MARK2: variants seen among roughly 807,000 people sequenced by gnomAD.
MARK2 encodes microtubule affinity regulating kinase 2, also known as serine/threonine-protein kinase MARK2.
MARK2 carries 16 observed loss-of-function variants against 89.8 expected under a neutral mutation model. That is an observed-to-expected ratio of 0.18 (90% CI 0.12 to 0.27). The LOEUF is 0.27. Ranked by LOEUF, MARK2 falls within the 10% of genes least tolerant of loss-of-function variation. The pLI is 1.00. For synonymous variants in MARK2, 382 were observed against 399.5 expected, an observed-to-expected ratio of 0.96 and a Z score of 0.52; for missense variants, 621 against 1,049.9, an observed-to-expected ratio of 0.59 and a Z score of 5.65.
intron 1 of MARK2, among the ~76,000 whole-genome samples, chr11:63,844,700 A>C (rs1385536045): frequency 6.6e-6 from 1 of 152,184 alleles, no homozygotes; most frequent in Non-Finnish European, 1.5e-5. Context: ...GAAAAGATTG[A>C]GACTTTGCTT....
At chr11:63,886,858 T>A (rs1939429985) in intron 1 of MARK2, among the ~76,000 whole-genome samples, 1 of 152,274 alleles carries the variant, frequency 6.6e-6, no homozygotes, top group African/African-American at 2.4e-5. Context: ...ACAGTCCTTC[T>A]GTCACATTGC....
At chr11:63,866,193 A>T (rs1938119003) in intron 1 of MARK2, among the ~76,000 whole-genome samples, 1 of 152,082 alleles carries the variant, frequency 6.6e-6, no homozygotes, top group Admixed American at 6.6e-5. Flanking sequence ...CTCTACTAAA[A>T]ATACCAAAAT....
intron 1 of MARK2, among the ~76,000 whole-genome samples, chr11:63,840,486 C>T (rs1014856874): frequency 3.9e-5 from 6 of 152,214 alleles, no homozygotes; most frequent in Admixed American, 1.3e-4. Flanking sequence ...CAACCTGTTG[C>T]TCAGTCCTTT....
intron 1 of MARK2, among the ~76,000 whole-genome samples, chr11:63,892,437 C>T (rs1331564683): frequency 6.6e-6 from 1 of 152,150 alleles, no homozygotes; most frequent in African/African-American, 2.4e-5. Context: ...TCTAGGAATG[C>T]TGGACAGTTC....
At chr11:63,892,003 C>T (rs575371840) in intron 1 of MARK2, among the ~76,000 whole-genome samples, 42 of 152,336 alleles carry the variant, frequency 2.8e-4, no homozygotes, top group African/African-American at 9.9e-4. Context: ...TAAAAATCCA[C>T]TTGTCTTGCA....
intron 1 of MARK2, among the ~76,000 whole-genome samples, chr11:63,844,661 C>T (rs1488130543): frequency 1.3e-5 from 2 of 152,162 alleles, no homozygotes; most frequent in African/African-American, 4.8e-5. Context: ...GCATAAATGT[C>T]CTAAGCAGAG....
At chr11:63,888,676 C>G in intron 1 of MARK2, 2 of 1,182,326 alleles carry the variant, frequency 1.7e-6, no homozygotes, top group South Asian at 3.2e-5. Flanking sequence ...GTCCCTGTTG[C>G]TCTCCTTGCC....
intron 1 of MARK2, among the ~76,000 whole-genome samples, chr11:63,874,888 G>A (rs932140106): frequency 2.0e-5 from 3 of 152,172 alleles, no homozygotes; most frequent in Non-Finnish European, 4.4e-5. Flanking sequence ...GAGGCCTTAG[G>A]ACTGGGTGGG....
intron 1 of MARK2, among the ~76,000 whole-genome samples, chr11:63,870,187 C>G (rs148915584): frequency 6.6e-6 from 1 of 152,142 alleles, no homozygotes; most frequent in Non-Finnish European, 1.5e-5. Flanking sequence ...GAAATCCTGC[C>G]GGAGACTATG....
intron 1 of MARK2, among the ~76,000 whole-genome samples, chr11:63,868,281 C>G (rs1340366699): frequency 6.6e-6 from 1 of 151,762 alleles, no homozygotes; most frequent in African/African-American, 2.4e-5. Context: ...AGTCCCAGCT[C>G]CTTGGGAGGC....
chr11:63,893,811 G>A (rs1940126249), intron 1 of MARK2, among the ~76,000 whole-genome samples: 1 of 152,086 alleles, frequency 6.6e-6, no homozygotes. Context: ...TTTATTTCAT[G>A]CACAAAATTA....
chr11:63,868,870 G>C (rs1014324627), intron 1 of MARK2: 1 of 455,856 alleles, frequency 2.2e-6, no homozygotes, highest in Non-Finnish European at 4.4e-6. Flanking sequence ...AGCATGGCAC[G>C]GGAAGAACTG....
At chr11:63,896,827 G>A (rs914451924) in intron 3 of MARK2, among the ~76,000 whole-genome samples, 2 of 152,130 alleles carry the variant, frequency 1.3e-5, no homozygotes, top group African/African-American at 2.4e-5. Context: ...AGAAGTCAGC[G>A]TGGGGTAGGC....
At chr11:63,908,365 GCTC>G in intron 18 of MARK2, 61 bp downstream of exon 18, 1 of 1,381,788 alleles carries the variant, frequency 7.2e-7, no homozygotes, top group Non-Finnish European at 1.0e-6. Context: ...ACAGCCTCCT[GCTC>G]CTCTCTTCCT....
At chr11:63,889,538 A>C (rs1213548964) in intron 1 of MARK2, among the ~76,000 whole-genome samples, 1 of 152,194 alleles carries the variant, frequency 6.6e-6, no homozygotes, top group African/African-American at 2.4e-5. Flanking sequence ...CTCGGGGTGG[A>C]GGCTGTCTTC....
intron 1 of MARK2, among the ~76,000 whole-genome samples, chr11:63,857,899 A>G (rs1363903181): frequency 6.6e-6 from 1 of 152,058 alleles, no homozygotes; most frequent in Non-Finnish European, 1.5e-5. Context: ...TTAGAGTGGA[A>G]TGGCATGATC....
rs1441294765 is a variant in MARK2 at position 63,839,577 on chromosome 11, G to T, written c.54+17G>T. ...ACGGAGCAGGTAAGGAGCCCCGAGG[G>T]CTCCCCGAATTCTCTGGCTGGGCCC... On this transcript the variant is annotated intron_variant, in intron 1 of 18. Coordinates refer to ENST00000402010, the MANE Select transcript of MARK2 (RefSeq NM_001039469.3). The T allele has an allele frequency of 2.0e-6, 3 of 1,509,168 alleles. No individual in the cohort carries two copies. The highest frequency in any genetic ancestry group is 1.8e-6 in the Non-Finnish European group (2 of 1,117,846). The allele number at this position is 1,509,168 out of a possible 1,614,324, so 93.5% of individuals were successfully genotyped here.
intron 1 of MARK2, among the ~76,000 whole-genome samples, chr11:63,891,524 T>C (rs934394200): frequency 6.6e-6 from 1 of 152,198 alleles, no homozygotes; most frequent in Non-Finnish European, 1.5e-5. Context: ...GGGCATGGGA[T>C]GCCCAGATTT....
At chr11:63,878,359 C>CTTTTTTT (rs59251368) in intron 1 of MARK2, among the ~76,000 whole-genome samples, 2 of 72,712 alleles carry the variant, frequency 2.8e-5, no homozygotes, top group Non-Finnish European at 4.7e-5. Flanking sequence ...TTGTTCAAGT[C>CTTTTTTT]TTTTTTTTTT....
Sources: gnomAD v4.1 joint callset for allele counts (sites outside exome capture counted in the v4.1 genomes callset) on GRCh38, gnomAD v4.1.1 for gene constraint, MANE v1.5 for transcripts, NCBI Gene and HGNC (gene_info 2026-07-23, HGNC 2026-07-21) for gene names.